The following POLR2D variants were observed in gnomAD, a reference collection of about 807,000 sequenced individuals.
POLR2D encodes RNA polymerase II subunit D.
In POLR2D, 10 loss-of-function variants were observed where a neutral mutation model predicts 17.6. The ratio of observed to expected loss-of-function variants is 0.57; its 90% CI spans 0.35 to 0.96. The LOEUF (loss-of-function observed/expected upper bound fraction) is 0.96. Among genes scored for constraint, POLR2D ranks in the 40% least tolerant of loss-of-function variants. The pLI is 0.02. For synonymous variants in POLR2D, 52 were observed against 60.2 expected (o/e 0.86, Z 0.63); for missense variants, 126 against 176.4 (o/e 0.71, Z 1.62).
At chr2:127,856,501 G>A (rs891553945) in intron 1 of POLR2D, among the ~76,000 whole-genome samples, 5 of 149,646 alleles carry the variant, frequency 3.3e-5, no homozygotes, top group African/African-American at 1.2e-4. Flanking sequence ...GAGGCAGGAT[G>A]GCTTGAAACT....
rs1040841876 is a variant in POLR2D at position 127,849,015 on chromosome 2, T to C, written c.351-830A>G. ...TTCTAATGGTATCAACCTCCCAAAGTGCTGGGATGACAGGTGTGAGCCACC... is the reference window on the plus strand; with the variant it reads ...TTCTAATGGTATCAACCTCCCAAAGCGCTGGGATGACAGGTGTGAGCCACC... On this transcript the variant is annotated intron_variant, in intron 3 of 3. Coordinates refer to ENST00000272645, the MANE Select transcript of POLR2D (RefSeq NM_004805.4). Among the ~76,000 whole-genome samples, 6 of 152,006 alleles carry C rather than the reference T, an allele frequency of 3.9e-5. 1 individual carries two copies. The East Asian group carries it at 1.2e-3, about 29-fold the overall frequency.
Position 127,850,685 on chromosome 2 carries a change from G to T in POLR2D, c.255C>A (p.Ser85Arg). The change falls in exon 3 of 4, where the codon AGC becomes AGA. Residue 85 changes from serine to arginine, a missense_variant and splice_region_variant. Transcript: ENST00000272645. Reference sequence around the variant, plus strand: ...TATGAAGCTTTTTCTGGAGTAGCAAGCTAATCAAAAGGAAAAAAAAAAAAT... The same window carrying T: ...TATGAAGCTTTTTCTGGAGTAGCAATCTAATCAAAAGGAAAAAAAAAAAAT... ...KNRETIASVR[S>R]LLLQKKLHKF... The T allele has an allele frequency of 3.4e-6, 5 of 1,456,282 alleles. No homozygotes were observed. Among genetic ancestry groups the T allele is most frequent in the Non-Finnish European group, 4.7e-6 (5 of 1,073,622 alleles). 90.2% of individuals were successfully genotyped at this position (1,456,282 alleles called of 1,614,324 possible). A position where few individuals can be genotyped will look rare whatever the true frequency, so the allele number is the denominator to read the frequency against.
chr2:127,853,377 A>G (rs1288108628), intron 1 of POLR2D, among the ~76,000 whole-genome samples: 1 of 152,158 alleles, frequency 6.6e-6, no homozygotes, highest in East Asian at 1.9e-4. Context: ...TTCAATCTGC[A>G]CCACCCACCC....
At chr2:127,850,070 G>C (rs548623652) in intron 3 of POLR2D, among the ~76,000 whole-genome samples, 1 of 152,050 alleles carries the variant, frequency 6.6e-6, no homozygotes, top group Non-Finnish European at 1.5e-5. Flanking sequence ...TACCATCAGC[G>C]TACAGAAGTT....
rs763570236 is a variant in POLR2D at position 127,848,056 on chromosome 2, G to A, written c.*51C>T. 4.4e-5 allele frequency: 50 copies of A among 1,144,626 alleles called. No homozygotes were observed. The highest frequency in any genetic ancestry group is 3.2e-4 in the South Asian group (26 of 81,586). 70.9% of individuals were successfully genotyped at this position (1,144,626 alleles called of 1,614,324 possible). A position where few individuals can be genotyped will look rare whatever the true frequency, so the allele number is the denominator to read the frequency against. ...AGTCAGCCCCAGACAGTGGGAAGGT[G>A]GTGTTATGCCTGGGGATGTGGTTTC... On this transcript the variant is annotated 3_prime_UTR_variant, in exon 4 of 4. Coordinates refer to ENST00000272645, the MANE Select transcript of POLR2D (RefSeq NM_004805.4).
rs547020634 is a variant in POLR2D at position 127,856,343 on chromosome 2, G to C, written c.73+1685C>G. ...GAGGTGGCTCACACCTGTAATCTCA[G>C]CACTGGGAGGCCAAGGTGGGTGGAT... On this transcript the variant is annotated intron_variant, in intron 1 of 3. Transcript: ENST00000272645. 3.0e-5 allele frequency among the ~76,000 whole-genome samples: 4 copies of C among 135,530 alleles called. No individual in the cohort carries two copies. In the East Asian group the frequency reaches 9.0e-4, roughly 30 times the overall value. The allele number at this position is 135,530 out of a possible 152,430, so 88.9% of individuals were successfully genotyped here.
intron 2 of POLR2D, among the ~76,000 whole-genome samples, chr2:127,851,222 G>GACAAACAA (rs774273709): frequency 6.6e-6 from 1 of 151,660 alleles, no homozygotes; most frequent in Non-Finnish European, 1.5e-5. Flanking sequence ...TCTCAAAACA[G>GACAAACAA]ACAAACAAAC....
Position 127,858,053 on chromosome 2 carries a change from G to T in POLR2D, c.48C>A (p.Asp16Glu). Residue 16 changes from aspartate (D) to glutamate (E), a missense_variant, in exon 1 of 4, where the codon GAC becomes GAA. Asp to Glu is a conservative substitution (Grantham distance 45, BLOSUM62 2). Coordinates refer to ENST00000272645, the MANE Select transcript of POLR2D (RefSeq NM_004805.4). ...CTTTAGGAAAGATGAGCTGTGAGGC[G>T]TCCTCCTCTACGTCGCCAGCCCGCG... ...SDPRAGDVEE[D>E]ASQLIFPKEF... The T allele has an allele frequency of 1.3e-6, 2 of 1,570,080 alleles. No homozygotes were observed. Among genetic ancestry groups the T allele is most frequent in the Non-Finnish European group, 1.7e-6 (2 of 1,161,692 alleles).
Position 127,852,773 on chromosome 2 carries a change from C to A in POLR2D, c.254+152G>T, listed in dbSNP as rs915962175. 3.1e-6 allele frequency: 2 copies of A among 644,742 alleles called. No homozygotes were observed. The highest frequency in any genetic ancestry group is 5.5e-6 in the Non-Finnish European group (2 of 365,092). 39.9% of individuals were successfully genotyped at this position (644,742 alleles called of 1,614,324 possible). On this transcript the variant is annotated intron_variant, in intron 2 of 3. Coordinates refer to ENST00000272645, the MANE Select transcript of POLR2D (RefSeq NM_004805.4). The surrounding 1 kb of genome is among the most constrained non-coding windows in gnomAD (Gnocchi z 4.0). ...GGCCTCAAGTGATCTGCTGCCTCAA[C>A]CTTCCAAAGTGCTGGGTGTGAGCCA...
chr2:127,852,146 A>G lies in POLR2D; in HGVS notation c.254+779T>C, dbSNP rs1425221171. On this transcript the variant is annotated intron_variant, in intron 2 of 3. Transcript: ENST00000272645. This position sits in a 1 kb window ranked among gnomAD's most constrained non-coding sequence, Gnocchi z 4.0. Reference sequence around the variant, plus strand: ...GATCAATTGAGGCCAGGAGTTTGAGACCAGCCTGGACAACATAGTAAGTCT... The same window carrying G: ...GATCAATTGAGGCCAGGAGTTTGAGGCCAGCCTGGACAACATAGTAAGTCT... Among the ~76,000 whole-genome samples the G allele has an allele frequency of 1.3e-5, 2 of 152,104 alleles. No individual in the cohort carries two copies. The highest frequency in any genetic ancestry group is 2.9e-5 in the Non-Finnish European group (2 of 68,024).
Position 127,847,713 on chromosome 2 carries a change from T to C in POLR2D, c.*394A>G, listed in dbSNP as rs1469993461. The C allele has an allele frequency of 3.6e-5, 7 of 194,712 alleles. No homozygotes were observed. The highest frequency in any genetic ancestry group is 4.3e-5 in the Non-Finnish European group (4 of 93,972). The allele number at this position is 194,712 out of a possible 1,614,324, so 12.1% of individuals were successfully genotyped here. A position where few individuals can be genotyped will look rare whatever the true frequency, so the allele number is the denominator to read the frequency against. On this transcript the variant is annotated 3_prime_UTR_variant, in exon 4 of 4. Coordinates refer to ENST00000272645, the MANE Select transcript of POLR2D (RefSeq NM_004805.4). ...TATCTAGGTAAAACTGGTCTTTCTC[T>C]ATAAAGTCTACTATCTTCTGGTCTA... is the stretch of plus-strand genomic sequence containing the variant.
At position 127,852,905 on chromosome 2, in the gene POLR2D, A is replaced by C; in HGVS notation, c.254+20T>G. 1.3e-6 allele frequency: 2 copies of C among 1,586,256 alleles called. No individual in the cohort carries two copies. Among genetic ancestry groups the C allele is most frequent in the African/African-American group, 2.7e-5 (2 of 74,054 alleles). On this transcript the variant is annotated intron_variant, in intron 2 of 3. Transcript: ENST00000272645. This position sits in a 1 kb window ranked among gnomAD's most constrained non-coding sequence, Gnocchi z 4.0. ...TTGTCCAATGGTTTGGATTAATAAAAACTTTCTTTTAGCACTCACCTACGA... is the reference window on the plus strand; with the variant it reads ...TTGTCCAATGGTTTGGATTAATAAACACTTTCTTTTAGCACTCACCTACGA...
intron 1 of POLR2D, chr2:127,857,071 G>C (rs1235281249): frequency 6.6e-6 from 1 of 152,164 alleles, no homozygotes; most frequent in Non-Finnish European, 1.5e-5. Flanking sequence ...AAAAGAATAA[G>C]ATAGGTCAGG....
chr2:127,850,903 T>C (rs540708985), intron 2 of POLR2D, among the ~76,000 whole-genome samples: 8 of 152,110 alleles, frequency 5.3e-5, no homozygotes, highest in Admixed American at 5.2e-4. Context: ...CTGAGCACCA[T>C]GGCGAAACCC....
intron 2 of POLR2D, among the ~76,000 whole-genome samples, chr2:127,850,913 C>G (rs1191195669): frequency 1.3e-5 from 2 of 152,086 alleles, no homozygotes; most frequent in African/African-American, 4.8e-5. Context: ...TGGCGAAACC[C>G]CGTCTCTACT....
rs1262958938 is a variant in POLR2D at position 127,845,576 on chromosome 2, T to C, written c.*2531A>G. On this transcript the variant is annotated 3_prime_UTR_variant, in exon 4 of 4. Coordinates refer to ENST00000272645, the MANE Select transcript of POLR2D (RefSeq NM_004805.4). ...TTTAAGTAGAGACGGGGTTTCTCCA[T>C]GTTGGTCAGGATGGTCTCAAACTCC... The C allele has an allele frequency of 6.6e-6, 1 of 151,994 alleles. No individual in the cohort carries two copies. The highest frequency in any genetic ancestry group is 1.5e-5 in the Non-Finnish European group (1 of 68,072). 9.4% of individuals were successfully genotyped at this position (151,994 alleles called of 1,614,324 possible). A position where few individuals can be genotyped will look rare whatever the true frequency, so the allele number is the denominator to read the frequency against.
intron 1 of POLR2D, among the ~76,000 whole-genome samples, 197 bp from the exon 2 acceptor site, chr2:127,853,302 G>A (rs1690278650): frequency 6.6e-6 from 1 of 152,138 alleles, no homozygotes; most frequent in Admixed American, 6.5e-5. Context: ...AATGGGTGTT[G>A]TGAAGGTTTG....
At position 127,858,075 on chromosome 2, in the gene POLR2D, C is replaced by A; in HGVS notation, c.26G>T (p.Arg9Leu). 1 of 1,542,156 alleles carries A rather than the reference C, an allele frequency of 6.5e-7. No individual in the cohort carries two copies. Among genetic ancestry groups the A allele is most frequent in the Non-Finnish European group, 8.7e-7 (1 of 1,147,700 alleles). ...GGCGTCCTCCTCTACGTCGCCAGCC[C>A]GCGGATCGCTGCCACCCGCCGCCAT... is the stretch of plus-strand genomic sequence containing the variant. Reference protein sequence around the residue: MAAGGSDPRAGDVEEDASQ... With the variant: MAAGGSDPLAGDVEEDASQ... Residue 9 changes from arginine to leucine, a missense_variant, in exon 1 of 4, where the codon CGG (arginine) becomes CTG (leucine). Coordinates refer to ENST00000272645, the MANE Select transcript of POLR2D (RefSeq NM_004805.4).
chr2:127,856,309 A>AAAAAAAAAAAAAAAAAAAAAAAT, intron 1 of POLR2D, among the ~76,000 whole-genome samples: 1 of 147,164 alleles, frequency 6.8e-6, no homozygotes, highest in Admixed American at 6.9e-5. Context: ...AAAAAAAAAA[A>AAAAAAAAAAAAAAAAAAAAAAAT]GGCAGGGTGA....
Sources: allele counts gnomAD v4.1 joint callset (sites outside exome capture counted in the v4.1 genomes callset), GRCh38; gene constraint gnomAD v4.1.1; non-coding constraint Gnocchi (gnomAD v3.1); transcripts MANE v1.5; gene names NCBI Gene and HGNC (gene_info 2026-07-23, HGNC 2026-07-21).